Variants in TENM3 observed in about 807,000 individuals in gnomAD.
TENM3 encodes the protein teneurin-3.
Under a neutral mutation model 255.1 loss-of-function variants are expected in TENM3, and 63 were observed. The observed-to-expected ratio is 0.25, with a 90% CI of 0.20 to 0.30. The LOEUF is 0.30. Among genes scored for constraint, TENM3 ranks in the 10% least tolerant of loss-of-function variants. TENM3 has a pLI of 1.00. For synonymous variants in TENM3, 1,306 were observed against 1,322.3 expected (o/e 0.99, Z 0.27); for missense variants, 2,929 against 3,461.1 (o/e 0.85, Z 3.86).
chr4:181,562,821 C>T, the TENM3 span, among the ~76,000 whole-genome samples: 7 of 152,120 alleles, frequency 4.6e-5, no homozygotes, highest in Admixed American at 2.6e-4. Context: ...ATTACAAGTG[C>T]CCATCACCAT....
intron 24 of TENM3, among the ~76,000 whole-genome samples, chr4:182,785,776 CAA>C (rs34456992): frequency 2.9e-4 from 34 of 116,450 alleles, no homozygotes; most frequent in Admixed American, 3.4e-4. Flanking sequence ...ATGACTGTAA[CAA>C]AAAAAAAAAA....
At chr4:181,607,272 C>T in the TENM3 span, among the ~76,000 whole-genome samples, 1 of 152,156 alleles carries the variant, frequency 6.6e-6, no homozygotes, top group East Asian at 1.9e-4. Context: ...TCCAGTAGAG[C>T]TTTCATGGTG....
rs1289669564 is a variant in TENM3 at position 182,445,113 on chromosome 4, AC to A, written c.511+98186del. ...TGTGAGCCACCGTGCCTGGCCAATA[AC>A]CAGCTTTAACTATTGAGTCAATACT... On this transcript the variant is annotated intron_variant, in intron 3 of 27. Coordinates refer to ENST00000511685, the MANE Select transcript of TENM3 (RefSeq NM_001080477.4). Among the ~76,000 whole-genome samples, 4 of 152,148 alleles carry A rather than the reference AC, an allele frequency of 2.6e-5. No homozygotes were observed. The East Asian group carries it at 7.7e-4, about 29-fold the overall frequency.
chr4:182,500,627 A>G (rs1442219572), intron 3 of TENM3, among the ~76,000 whole-genome samples: 1 of 26,620 alleles, frequency 3.8e-5, no homozygotes, highest in Admixed American at 5.5e-4. Flanking sequence ...TCAGGAATTT[A>G]AGTAAATAAT....
At chr4:182,078,986 A>G in the TENM3 span, among the ~76,000 whole-genome samples, 1,419 of 152,306 alleles carry the variant, frequency 9.3e-3, 11 homozygotes, top group Non-Finnish European at 0.015. Flanking sequence ...GAATCTGAAG[A>G]TTGCAGCTAA....
chr4:181,521,910 C>T, the TENM3 span, among the ~76,000 whole-genome samples: 1,214 of 151,840 alleles, frequency 8.0e-3, 9 homozygotes, highest in Middle Eastern at 0.037. Flanking sequence ...TCCTGGCTAA[C>T]GCGGTGAAAC....
intron 3 of TENM3, among the ~76,000 whole-genome samples, chr4:182,353,651 A>G (rs1238259506): frequency 6.6e-6 from 1 of 152,198 alleles, no homozygotes; most frequent in Non-Finnish European, 1.5e-5. Flanking sequence ...GGTATGTACA[A>G]GTCACTTTTT....
At chr4:182,645,570 C>CA (rs1174745611) in intron 5 of TENM3, among the ~76,000 whole-genome samples, 1 of 152,172 alleles carries the variant, frequency 6.6e-6, no homozygotes, top group South Asian at 2.1e-4. Context: ...CTCTGCCTCA[C>CA]AGTCTGTAAG....
At chr4:182,067,086 T>C in the TENM3 span, among the ~76,000 whole-genome samples, 1 of 152,296 alleles carries the variant, frequency 6.6e-6, no homozygotes, top group South Asian at 2.1e-4. Flanking sequence ...CTTTCTGTCT[T>C]TCCCCCTCTA....
At chr4:181,848,498 C>G in the TENM3 span, among the ~76,000 whole-genome samples, 1 of 152,184 alleles carries the variant, frequency 6.6e-6, no homozygotes, top group Non-Finnish European at 1.5e-5. Flanking sequence ...CAGTATCCAA[C>G]TCAGTTATCA....
rs1045347201 is a variant in TENM3 at position 182,326,362 on chromosome 4, G to C, written c.232+2110G>C. 5.3e-5 allele frequency among the ~76,000 whole-genome samples: 8 copies of C among 152,248 alleles called. 1 individual carries two copies. The highest frequency in any genetic ancestry group is 3.4e-3 in the Middle Eastern group (1 of 294). The stretch of plus-strand genomic sequence containing the variant: ...CACAGATTGAGACGGATGAGGTTTG[G>C]AGAGGCTGGAGACCCCATGGCTCCT... On this transcript the variant is annotated intron_variant, in intron 2 of 27. Transcript: ENST00000511685.
At chr4:182,207,747 C>G (rs1046618668) in intron 1 of TENM3, among the ~76,000 whole-genome samples, 1 of 152,142 alleles carries the variant, frequency 6.6e-6, no homozygotes, top group African/African-American at 2.4e-5. Context: ...AGTGCATTAA[C>G]TTTAGAACTC....
At position 182,575,110 on chromosome 4, in the gene TENM3, T is replaced by TAC. The variant is rs556144653; in HGVS notation, c.512-25801_512-25800dup. ...ATGTGGTAAAATCGTACAGAAGAAA[T>TAC]ACACACACACACACCAGGAATACAA... On this transcript the variant is annotated intron_variant, in intron 3 of 27. Coordinates refer to ENST00000511685, the MANE Select transcript of TENM3 (RefSeq NM_001080477.4). 9.6e-4 allele frequency among the ~76,000 whole-genome samples: 146 copies of TAC among 151,812 alleles called. 2 individuals carry two copies. The East Asian group carries it at 0.02, about 21-fold the overall frequency.
the TENM3 span, among the ~76,000 whole-genome samples, chr4:181,577,153 A>G: frequency 3.7e-5 from 5 of 134,694 alleles, no homozygotes; most frequent in Admixed American, 3.3e-4. Context: ...TAATTAATAT[A>G]TATATAAATA....
chr4:181,466,845 T>C, the TENM3 span, among the ~76,000 whole-genome samples: 2 of 152,058 alleles, frequency 1.3e-5, no homozygotes, highest in East Asian at 1.9e-4. Context: ...TGAATTCTTT[T>C]TCTTGTAAAA....
chr4:181,583,453 C>A, the TENM3 span, among the ~76,000 whole-genome samples: 1 of 152,130 alleles, frequency 6.6e-6, no homozygotes, highest in Non-Finnish European at 1.5e-5. Context: ...TTTTCATGCT[C>A]AAAAATGTCC....
the TENM3 span, among the ~76,000 whole-genome samples, chr4:181,553,297 G>GTA: frequency 9.0e-6 from 1 of 111,224 alleles, no homozygotes; most frequent in Non-Finnish European, 1.9e-5. Flanking sequence ...GTGTGTGTGT[G>GTA]TAGTGTGTGT....
intron 3 of TENM3, among the ~76,000 whole-genome samples, chr4:182,439,078 G>T (rs563137245): frequency 3.5e-4 from 53 of 152,292 alleles, no homozygotes; most frequent in Non-Finnish European, 7.1e-4. Context: ...GCTCAGCATC[G>T]ATTAATAGAT....
the TENM3 span, among the ~76,000 whole-genome samples, chr4:181,449,498 T>A: frequency 6.6e-6 from 1 of 152,152 alleles, no homozygotes; most frequent in Non-Finnish European, 1.5e-5. Context: ...AAACATATAA[T>A]CAGGGCCGGG....
Sources: allele counts gnomAD v4.1 joint callset (sites outside exome capture counted in the v4.1 genomes callset), GRCh38; gene constraint gnomAD v4.1.1; transcripts MANE v1.5; gene names NCBI Gene and HGNC (gene_info 2026-07-23, HGNC 2026-07-21).